CRTAC1: variants seen among roughly 807,000 people sequenced by gnomAD.
The protein encoded by CRTAC1 is cartilage acidic protein 1.
CRTAC1 carries 37 observed loss-of-function variants against 67.8 expected under a neutral mutation model. The ratio of observed to expected loss-of-function variants is 0.55; its 90% CI spans 0.42 to 0.72. CRTAC1 has a LOEUF of 0.72. CRTAC1 is among the 30% of genes least tolerant of loss of function. The pLI is 0.00. For synonymous variants in CRTAC1, 348 were observed against 371.0 expected, an observed-to-expected ratio of 0.94 and a Z score of 0.71; for missense variants, 780 against 931.6, an observed-to-expected ratio of 0.84 and a Z score of 2.12.
At position 98,011,380 on chromosome 10, in the gene CRTAC1, C is replaced by T. The variant is rs755702865; in HGVS notation, c.25-43G>A. 7 of 1,608,862 alleles carry T rather than the reference C, an allele frequency of 4.4e-6. No homozygotes were observed. The Admixed American group carries it at 1.0e-4, about 23-fold the overall frequency. ...AAATGTTACCGAAAGAACCTGTAAC[C>T]AAAGCAATCCCGGAACATTAAAGTC... On this transcript the variant is annotated intron_variant, in intron 1 of 14. Transcript: ENST00000370597.
chr10:98,025,577 C>T (rs1420046972), intron 1 of CRTAC1, among the ~76,000 whole-genome samples: 2 of 152,154 alleles, frequency 1.3e-5, no homozygotes, highest in Non-Finnish European at 2.9e-5. Context: ...TTCTTAAATG[C>T]CCTAAATGGT....
chr10:97,878,723 C>G, intron 14 of CRTAC1: 1 of 1,302,638 alleles, frequency 7.7e-7, no homozygotes, highest in South Asian at 1.2e-5. Flanking sequence ...TGAGCCAGGC[C>G]TATGTCCAGC....
At chr10:97,958,853 A>G (rs2051480823) in intron 2 of CRTAC1, among the ~76,000 whole-genome samples, 1 of 152,126 alleles carries the variant, frequency 6.6e-6, no homozygotes, top group Admixed American at 6.5e-5. Context: ...ATGGGGATAA[A>G]TTTCACGGGT....
In CRTAC1 at chr10:97,922,852, G is replaced by A. The variant is rs570292284; in HGVS notation, c.558+412C>T. Among the ~76,000 whole-genome samples, 14 of 152,314 alleles carry A rather than the reference G, an allele frequency of 9.2e-5. No individual in the cohort carries two copies. In the South Asian group the frequency reaches 1.9e-3, roughly 20 times the overall value. On this transcript the variant is annotated intron_variant, in intron 4 of 14. Transcript: ENST00000370597. ...CGTAAATATTTATGAAGGGCCCCACGGCTCAGTGCCTGGCACACAGGAGGC... is the reference window on the plus strand; with the variant it reads ...CGTAAATATTTATGAAGGGCCCCACAGCTCAGTGCCTGGCACACAGGAGGC...
intron 1 of CRTAC1, among the ~76,000 whole-genome samples, chr10:98,018,737 T>C (rs551200577): frequency 2.0e-5 from 3 of 152,254 alleles, no homozygotes; most frequent in East Asian, 3.9e-4. Context: ...ATTTCCGACG[T>C]TGGCGACAAG....
At chr10:97,950,256 G>C (rs1171700727) in intron 2 of CRTAC1, among the ~76,000 whole-genome samples, 128 of 144,514 alleles carry the variant, frequency 8.9e-4, no homozygotes, top group East Asian at 1.2e-3. Flanking sequence ...CAGAGAGAGA[G>C]AGAGAGAGAG....
chr10:97,905,272 T>C (rs1056436742), intron 6 of CRTAC1, among the ~76,000 whole-genome samples: 3 of 152,196 alleles, frequency 2.0e-5, no homozygotes, highest in Non-Finnish European at 2.9e-5. Context: ...TGCCTGACCA[T>C]GGTCCTGTCC....
intron 2 of CRTAC1, among the ~76,000 whole-genome samples, chr10:97,986,495 C>T (rs1175668706): frequency 3.9e-5 from 6 of 152,182 alleles, no homozygotes; most frequent in Admixed American, 3.9e-4. Context: ...TGAGAGCACT[C>T]ATGCAGGATT....
chr10:97,909,746 C>T (rs1254056372), intron 5 of CRTAC1, among the ~76,000 whole-genome samples: 3 of 152,132 alleles, frequency 2.0e-5, no homozygotes, highest in African/African-American at 7.2e-5. Flanking sequence ...GAAGAGATAC[C>T]TGCACTCTGA....
At chr10:98,016,535 A>G (rs1390983377) in intron 1 of CRTAC1, among the ~76,000 whole-genome samples, 2 of 152,078 alleles carry the variant, frequency 1.3e-5, no homozygotes, top group Non-Finnish European at 2.9e-5. Flanking sequence ...ATTCCCAGGA[A>G]GTTGTCAGGT....
At position 98,029,729 on chromosome 10, in the gene CRTAC1, C is replaced by T. The variant is rs1369513852; in HGVS notation, c.24+720G>A. ...GAAGCGCGCTGCATTGCTGGGCATG[C>T]CCCCAAGCCCGGCCTGGCTGCCCCA... On this transcript the variant is annotated intron_variant, in intron 1 of 14. Transcript: ENST00000370597. This position sits in a 1 kb window ranked among gnomAD's most constrained non-coding sequence, Gnocchi z 4.7. Among the ~76,000 whole-genome samples, 1 of 152,224 alleles carries T rather than the reference C, an allele frequency of 6.6e-6. No homozygotes were observed. The highest frequency in any genetic ancestry group is 1.9e-4 in the East Asian group (1 of 5,188).
intron 11 of CRTAC1, among the ~76,000 whole-genome samples, chr10:97,893,375 G>A (rs950882343): frequency 2.0e-5 from 3 of 152,068 alleles, no homozygotes; most frequent in African/African-American, 7.2e-5. Context: ...ACCTGGGGAA[G>A]GTGTCTGATT....
intron 2 of CRTAC1, among the ~76,000 whole-genome samples, chr10:98,002,668 G>A (rs967858740): frequency 6.8e-5 from 10 of 148,070 alleles, no homozygotes. Flanking sequence ...GCCACTCATA[G>A]CACTAGGTGT....
In CRTAC1 at chr10:97,904,713, G is replaced by A. The variant is rs1007354585; in HGVS notation, c.952C>T (p.Arg318Cys). 5.0e-6 allele frequency: 8 copies of A among 1,599,500 alleles called. No individual in the cohort carries two copies. Among genetic ancestry groups the A allele is most frequent in the South Asian group, 1.1e-5 (1 of 88,866 alleles). Residue 318 changes from arginine to cysteine, a missense_variant, in exon 7 of 15, where the codon CGC becomes TGC. Physicochemically the swap from Arg to Cys is radical, Grantham distance 180. Coordinates refer to ENST00000370597, the MANE Select transcript of CRTAC1 (RefSeq NM_018058.7). Reference sequence around the variant, plus strand: ...TGGGTGCTCATTTGCAGATAGAGGCGGTGGGGGCCATTCCAGTTGCCATAG... The same window carrying A: ...TGGGTGCTCATTTGCAGATAGAGGCAGTGGGGGCCATTCCAGTTGCCATAG... ...IVYGNWNGPH[R>C]LYLQMSTHGK...
At chr10:97,963,145 G>A (rs1415526438) in intron 2 of CRTAC1, among the ~76,000 whole-genome samples, 1 of 152,042 alleles carries the variant, frequency 6.6e-6, no homozygotes, top group African/African-American at 2.4e-5. Flanking sequence ...GTGTCCTTGG[G>A]TCCTTTGTCA....
chr10:98,000,692 G>A (rs996062095), intron 2 of CRTAC1, among the ~76,000 whole-genome samples: 18 of 152,200 alleles, frequency 1.2e-4, no homozygotes, highest in Admixed American at 7.2e-4. Context: ...CTAGAAGAGC[G>A]ACACCCCAGA....
At chr10:97,946,935 C>T (rs758443663) in intron 2 of CRTAC1, among the ~76,000 whole-genome samples, 25 of 152,208 alleles carry the variant, frequency 1.6e-4, no homozygotes, top group Non-Finnish European at 3.1e-4. Flanking sequence ...AGAGTCTGGC[C>T]AGAGCTCACC....
intron 2 of CRTAC1, among the ~76,000 whole-genome samples, chr10:97,985,815 C>T (rs955516591): frequency 2.0e-5 from 3 of 152,172 alleles, no homozygotes; most frequent in Admixed American, 2.0e-4. Flanking sequence ...GGTCCTGAGA[C>T]AGTAGCTGGC....
chr10:97,880,272 T>C lies in CRTAC1; in HGVS notation c.1796A>G (p.Asn599Ser), dbSNP rs772742674. Residue 599 changes from asparagine to serine, a missense_variant, in exon 14 of 15, where the codon AAC (asparagine) becomes AGC (serine). By Grantham distance (46) the Asn-to-Ser change is conservative (BLOSUM62 1). Transcript: ENST00000370597. ...NKKCSRGYEPNEDGTACVGTL... is the reference protein window; with the variant it reads ...NKKCSRGYEPSEDGTACVGTL... The stretch of plus-strand genomic sequence containing the variant: ...ACCCACGCAGGCTGTGCCATCCTCG[T>C]TGGGCTCGTAGCCCCGACTGCACTT... The C allele has an allele frequency of 5.6e-6, 9 of 1,614,232 alleles. No homozygotes were observed. In the South Asian group the frequency reaches 6.6e-5, roughly 12 times the overall value.
Sources: allele counts gnomAD v4.1 joint callset (sites outside exome capture counted in the v4.1 genomes callset), GRCh38; gene constraint gnomAD v4.1.1; non-coding constraint Gnocchi (gnomAD v3.1); transcripts MANE v1.5; gene names NCBI Gene and HGNC (gene_info 2026-07-23, HGNC 2026-07-21).